The following CEP70 variants were observed in gnomAD, a reference collection of about 807,000 sequenced individuals.
CEP70 encodes centrosomal protein 70.
Under a neutral mutation model 90.9 loss-of-function variants are expected in CEP70, and 70 were observed. That is an observed-to-expected ratio of 0.77 (90% CI 0.64 to 0.94). CEP70 has a LOEUF of 0.94. Among genes scored for constraint, CEP70 ranks in the 40% least tolerant of loss-of-function variants. The pLI is 0.00. For synonymous variants in CEP70, 220 were observed against 228.3 expected (o/e 0.96, Z 0.33); for missense variants, 648 against 669.0 (o/e 0.97, Z 0.35).
Position 138,529,179 on chromosome 3 carries a change from A to C in CEP70, c.869+20T>G, listed in dbSNP as rs1482704030. 7 of 1,539,150 alleles carry C rather than the reference A, an allele frequency of 4.5e-6. No individual in the cohort carries two copies. Among genetic ancestry groups the C allele is most frequent in the Non-Finnish European group, 6.2e-6 (7 of 1,128,952 alleles). On this transcript the variant is annotated intron_variant, in intron 10 of 17. Transcript: ENST00000264982. ...GACCCTGTCTCAGGAAAAAAAAAAAAAAAATTAAGTTTCTCTCACCTGGTT... is the reference window on the plus strand; with the variant it reads ...GACCCTGTCTCAGGAAAAAAAAAAACAAAATTAAGTTTCTCTCACCTGGTT...
At chr3:138,592,001 A>G (rs1217292338) in intron 1 of CEP70, 45 bp from the exon 2 acceptor site, 2 of 648,986 alleles carry the variant, frequency 3.1e-6, no homozygotes, top group Admixed American at 6.4e-5. Context: ...GAAATGTTCA[A>G]CCTCCTAGTA....
chr3:138,560,199 A>G (rs2040300737), intron 6 of CEP70, among the ~76,000 whole-genome samples: 1 of 152,210 alleles, frequency 6.6e-6, no homozygotes, highest in Admixed American at 6.5e-5. Flanking sequence ...CAGTGGGTAC[A>G]GCCCACAGAG....
intron 11 of CEP70, among the ~76,000 whole-genome samples, chr3:138,517,026 C>T (rs906815278): frequency 6.6e-6 from 1 of 152,198 alleles, no homozygotes; most frequent in African/African-American, 2.4e-5. Context: ...AAATGGCTCA[C>T]TGCATTCCTT....
intron 6 of CEP70, among the ~76,000 whole-genome samples, chr3:138,548,490 T>C (rs903496663): frequency 9.9e-5 from 15 of 152,232 alleles, no homozygotes; most frequent in African/African-American, 3.6e-4. Flanking sequence ...TCCCTGGTTA[T>C]ATCCAGGAGA....
intron 1 of CEP70, among the ~76,000 whole-genome samples, chr3:138,593,464 C>G (rs2042490541): frequency 6.6e-6 from 1 of 152,160 alleles, no homozygotes; most frequent in Non-Finnish European, 1.5e-5. Context: ...CTCAGGGGAT[C>G]CGCCCACCTC....
At chr3:138,563,790 G>C (rs755055207) in intron 6 of CEP70, among the ~76,000 whole-genome samples, 2 of 152,116 alleles carry the variant, frequency 1.3e-5, no homozygotes, top group Non-Finnish European at 2.9e-5. Flanking sequence ...AAAAGAACTA[G>C]AGAAGCAAGA....
intron 3 of CEP70, among the ~76,000 whole-genome samples, chr3:138,572,380 C>A (rs1399435700): frequency 6.6e-6 from 1 of 152,168 alleles, no homozygotes; most frequent in Non-Finnish European, 1.5e-5. Flanking sequence ...GTGGTAGACA[C>A]AACTAAAATT....
intron 17 of CEP70, chr3:138,497,791 A>G: frequency 1.0e-6 from 1 of 985,176 alleles, no homozygotes; most frequent in South Asian, 4.7e-5. Context: ...GAATGATGCC[A>G]TCTCTCATGA....
Position 138,504,863 on chromosome 3 carries a change from G to A in CEP70, c.1221+432C>T, listed in dbSNP as rs138262708. On this transcript the variant is annotated intron_variant, in intron 13 of 17. Coordinates refer to ENST00000264982, the MANE Select transcript of CEP70 (RefSeq NM_024491.4). Reference sequence around the variant, plus strand: ...AGACAGAAAATAAAGTGTGAAGAGAGAGAAAATATCCCCAATTATAATAAA... The same window carrying A: ...AGACAGAAAATAAAGTGTGAAGAGAAAGAAAATATCCCCAATTATAATAAA... Among the ~76,000 whole-genome samples, 1,076 of 152,178 alleles carry A rather than the reference G, an allele frequency of 7.1e-3. 12 individuals are homozygous for A. Among genetic ancestry groups the A allele is most frequent in the African/African-American group, 0.025 (1,030 of 41,528 alleles).
chr3:138,573,040 G>A (rs2041284900), intron 2 of CEP70, 108 bp from the exon 3 acceptor site: 4 of 751,764 alleles, frequency 5.3e-6, no homozygotes, highest in Non-Finnish European at 9.1e-6. Flanking sequence ...ATATTTAAAA[G>A]AATCCACTAC....
chr3:138,560,010 T>C (rs577218129), intron 6 of CEP70, among the ~76,000 whole-genome samples: 29 of 152,326 alleles, frequency 1.9e-4, no homozygotes, highest in African/African-American at 6.3e-4. Flanking sequence ...TGTGAAATGA[T>C]AGAGCTACTC....
At chr3:138,496,590 T>G in intron 17 of CEP70, 1 of 985,372 alleles carries the variant, frequency 1.0e-6, no homozygotes, top group African/African-American at 1.7e-5. Context: ...CCTCAGTCAA[T>G]CACACCATTT....
chr3:138,586,655 T>C (rs2042119145), intron 2 of CEP70, among the ~76,000 whole-genome samples: 1 of 151,732 alleles, frequency 6.6e-6, no homozygotes, highest in Admixed American at 6.6e-5. Flanking sequence ...AGACACAGAG[T>C]AGAAGGATGG....
chr3:138,565,539 T>C (rs1325790313), intron 6 of CEP70, among the ~76,000 whole-genome samples: 1 of 151,998 alleles, frequency 6.6e-6, no homozygotes, highest in Non-Finnish European at 1.5e-5. Flanking sequence ...ACACCACACA[T>C]CTACAACCAT....
intron 7 of CEP70, among the ~76,000 whole-genome samples, chr3:138,533,657 G>C (rs1280599415): frequency 6.6e-6 from 1 of 152,200 alleles, no homozygotes; most frequent in Admixed American, 6.5e-5. Flanking sequence ...AGAAACAGTA[G>C]GAAGGACACA....
At chr3:138,583,983 A>G (rs1230470032) in intron 2 of CEP70, among the ~76,000 whole-genome samples, 2 of 152,064 alleles carry the variant, frequency 1.3e-5, no homozygotes, top group Non-Finnish European at 2.9e-5. Context: ...GAACAATAAA[A>G]CAAAAAGTTG....
intron 13 of CEP70, among the ~76,000 whole-genome samples, chr3:138,501,633 T>C (rs1477613535): frequency 2.0e-5 from 3 of 152,204 alleles, no homozygotes; most frequent in Non-Finnish European, 4.4e-5. Context: ...AAGTTTTTAA[T>C]GTGAAAGGTT....
At chr3:138,503,381 A>G (rs1160392219) in intron 13 of CEP70, among the ~76,000 whole-genome samples, 5 of 152,178 alleles carry the variant, frequency 3.3e-5, no homozygotes. Flanking sequence ...TAATATTGCA[A>G]TATATGTATA....
intron 6 of CEP70, among the ~76,000 whole-genome samples, chr3:138,548,197 G>A (rs955947308): frequency 1.3e-5 from 2 of 152,112 alleles, no homozygotes; most frequent in Non-Finnish European, 2.9e-5. Context: ...ATTTATCCTT[G>A]GAATGCAAAG....
Sources: gnomAD v4.1 joint callset for allele counts (sites outside exome capture counted in the v4.1 genomes callset) on GRCh38, gnomAD v4.1.1 for gene constraint, MANE v1.5 for transcripts, NCBI Gene and HGNC (gene_info 2026-07-23, HGNC 2026-07-21) for gene names.